The following RPS6KA5 variants were observed in gnomAD, a reference collection of about 807,000 sequenced individuals.
RPS6KA5 encodes the protein ribosomal protein S6 kinase alpha-5.
RPS6KA5 carries 27 observed loss-of-function variants against 85.5 expected under a neutral mutation model. That is an observed-to-expected ratio of 0.32 (90% CI 0.23 to 0.44). The LOEUF (loss-of-function observed/expected upper bound fraction) is 0.44, where lower values mean the gene tolerates loss of function less well. Ranked by LOEUF, RPS6KA5 falls within the 20% of genes least tolerant of loss-of-function variation. The pLI, the probability that RPS6KA5 is intolerant of heterozygous loss-of-function variation, is 1.00. For missense variants in RPS6KA5, 811 were observed against 980.9 expected (o/e 0.83, Z 2.31); for synonymous variants, 334 against 348.2 (o/e 0.96, Z 0.46).
At chr14:90,909,702 G>A (rs2035695429) in intron 7 of RPS6KA5, among the ~76,000 whole-genome samples, 1 of 152,192 alleles carries the variant, frequency 6.6e-6, no homozygotes, top group Admixed American at 6.5e-5. Context: ...TTGTTAAAGT[G>A]AGGTGCTAGC....
At chr14:90,962,642 A>G (rs979093714) in intron 3 of RPS6KA5, among the ~76,000 whole-genome samples, 2 of 151,500 alleles carry the variant, frequency 1.3e-5, no homozygotes, top group Non-Finnish European at 2.9e-5. Context: ...GCTGGAGTGC[A>G]GTATGAACCC....
chr14:90,898,528 T>G (rs1314692955), intron 12 of RPS6KA5, among the ~76,000 whole-genome samples: 1 of 152,232 alleles, frequency 6.6e-6, no homozygotes. Context: ...AGATTCGCAT[T>G]GACATGCTAT....
chr14:90,927,065 G>T (rs1025556914), intron 5 of RPS6KA5, among the ~76,000 whole-genome samples: 2 of 152,172 alleles, frequency 1.3e-5, no homozygotes, highest in African/African-American at 2.4e-5. Context: ...GCATTCTAAC[G>T]TTCTTGTAGT....
chr14:90,899,994 C>T (rs1202793887), intron 11 of RPS6KA5, 114 bp downstream of exon 11: 2 of 871,060 alleles, frequency 2.3e-6, no homozygotes, highest in Non-Finnish European at 3.2e-6. Context: ...GTGGTTAAAC[C>T]TTTGGGTAAG....
At chr14:90,915,096 G>T (rs1333705435) in intron 7 of RPS6KA5, among the ~76,000 whole-genome samples, 1 of 152,054 alleles carries the variant, frequency 6.6e-6, no homozygotes, top group Non-Finnish European at 1.5e-5. Context: ...TAATACATTT[G>T]ATTTCTTCTT....
rs576679328 is a variant in RPS6KA5 at position 90,914,568 on chromosome 14, G to A, written c.806+5638C>T. On this transcript the variant is annotated intron_variant, in intron 7 of 16. Coordinates refer to ENST00000614987, the MANE Select transcript of RPS6KA5 (RefSeq NM_004755.4). ...GACTTCAGGTGATCCACCTGCCTTG[G>A]CCTCCCCAAGTGCTAGGATTACAAG... is the stretch of plus-strand genomic sequence containing the variant. Among the ~76,000 whole-genome samples the A allele has an allele frequency of 2.0e-3, 306 of 152,166 alleles. 2 individuals carry two copies. Among genetic ancestry groups the A allele is most frequent in the African/African-American group, 7.1e-3 (295 of 41,512 alleles).
At chr14:90,910,122 AG>A (rs1330561671) in intron 7 of RPS6KA5, among the ~76,000 whole-genome samples, 1 of 152,206 alleles carries the variant, frequency 6.6e-6, no homozygotes, top group Non-Finnish European at 1.5e-5. Context: ...GCATAGCAAA[AG>A]GCCACAAATG....
intron 14 of RPS6KA5, among the ~76,000 whole-genome samples, chr14:90,881,765 T>A (rs1278190113): frequency 6.6e-6 from 1 of 152,172 alleles, no homozygotes; most frequent in Non-Finnish European, 1.5e-5. Context: ...CCTCCCAAAG[T>A]GCTGGGATTA....
chr14:91,032,715 C>A (rs1445431261), intron 1 of RPS6KA5, among the ~76,000 whole-genome samples: 1 of 150,978 alleles, frequency 6.6e-6, no homozygotes, highest in South Asian at 2.1e-4. Flanking sequence ...CAAACATGCA[C>A]GGGAAAGACA....
In RPS6KA5 at chr14:90,848,897, T is replaced by G. The variant is rs538981340; in HGVS notation, c.*23177A>C. ...ATTTTCTGCTTCCTTCTTAAAAACC[T>G]AGGGGGAAGGTGAGCTCCTGGGACA... On this transcript the variant is annotated 3_prime_UTR_variant, in exon 17 of 17. Coordinates refer to ENST00000614987, the MANE Select transcript of RPS6KA5 (RefSeq NM_004755.4). 1 of 152,236 alleles carries G rather than the reference T, an allele frequency of 6.6e-6. No individual in the cohort carries two copies. The highest frequency in any genetic ancestry group is 2.1e-4 in the South Asian group (1 of 4,828). 9.4% of individuals were successfully genotyped at this position (152,236 alleles called of 1,614,324 possible). A position where few individuals can be genotyped will look rare whatever the true frequency, so the allele number is the denominator to read the frequency against.
At position 90,860,109 on chromosome 14, in the gene RPS6KA5, A is replaced by G. The variant is rs890211592; in HGVS notation, c.*11965T>C. 6.6e-6 allele frequency: 1 copy of G among 152,262 alleles called. No individual in the cohort carries two copies. Among genetic ancestry groups the G allele is most frequent in the African/African-American group, 2.4e-5 (1 of 41,458 alleles). The allele number at this position is 152,262 out of a possible 1,614,324, so 9.4% of individuals were successfully genotyped here. ...ATGTAACCCAGAACTTAAAAGTATA[A>G]TAAAAAATAAAAACAAAGACGAAGA... On this transcript the variant is annotated 3_prime_UTR_variant, in exon 17 of 17. Transcript: ENST00000614987.
rs1303654716 is a variant in RPS6KA5, at chr14:90,875,292, C to T, written c.1905G>A (p.Val635=). ...CCTTTTTAATTTTCTTCATGATTTC[C>T]ACCGCGCTGGTACACGTCAAACTTC... ...HDRSLTCTSA[V]EIMKKIKKGD... Residue 635 remains valine, a synonymous_variant, in exon 15 of 17, where the codon GTG becomes GTA. Coordinates refer to ENST00000614987, the MANE Select transcript of RPS6KA5 (RefSeq NM_004755.4). 1.2e-6 allele frequency: 2 copies of T among 1,613,906 alleles called. No homozygotes were observed. Among genetic ancestry groups the T allele is most frequent in the Admixed American group, 3.3e-5 (2 of 60,004 alleles).
chr14:91,045,862 T>C (rs1251963725), intron 1 of RPS6KA5, among the ~76,000 whole-genome samples: 1 of 152,146 alleles, frequency 6.6e-6, no homozygotes, highest in African/African-American at 2.4e-5. Context: ...CTCAGCCCCA[T>C]TTCCTGTGAC....
rs1258018281 is a variant in RPS6KA5, at chr14:90,869,710, T to C, written c.*2364A>G. The C allele has an allele frequency of 1.3e-5, 2 of 152,244 alleles. No individual in the cohort carries two copies. The highest frequency in any genetic ancestry group is 2.4e-5 in the African/African-American group (1 of 41,456). The allele number at this position is 152,244 out of a possible 1,614,324, so 9.4% of individuals were successfully genotyped here. The stretch of plus-strand genomic sequence containing the variant: ...TTTTGATGTGACCAAATGAAAGCTT[T>C]CTGAATTTTAAAGTGCAATTCACTG... On this transcript the variant is annotated 3_prime_UTR_variant, in exon 17 of 17. Transcript: ENST00000614987.
At chr14:90,918,022 A>G (rs1259536848) in intron 7 of RPS6KA5, among the ~76,000 whole-genome samples, 1 of 152,226 alleles carries the variant, frequency 6.6e-6, no homozygotes, top group African/African-American at 2.4e-5. Context: ...TTATATAGAC[A>G]TATGTTTTCA....
intron 3 of RPS6KA5, among the ~76,000 whole-genome samples, chr14:90,968,272 A>G (rs1595363138): frequency 6.6e-6 from 1 of 151,904 alleles, no homozygotes; most frequent in African/African-American, 2.4e-5. Flanking sequence ...CTGTAGACAC[A>G]TCTCCCTCTC....
chr14:90,992,388 T>C (rs986800421), intron 2 of RPS6KA5, among the ~76,000 whole-genome samples: 1 of 152,176 alleles, frequency 6.6e-6, no homozygotes, highest in Admixed American at 6.5e-5. Flanking sequence ...GGTAAAACAT[T>C]ACAGGTAAAC....
At chr14:91,015,076 C>T (rs552204772) in intron 1 of RPS6KA5, among the ~76,000 whole-genome samples, 67 of 152,170 alleles carry the variant, frequency 4.4e-4, no homozygotes, top group African/African-American at 1.5e-3. Context: ...TTAATATACA[C>T]AAAAATGTGA....
chr14:91,048,818 T>C (rs2042963937), intron 1 of RPS6KA5, among the ~76,000 whole-genome samples: 2 of 152,162 alleles, frequency 1.3e-5, no homozygotes, highest in South Asian at 4.1e-4. Flanking sequence ...CTCTCAACAG[T>C]GTATTTAATT....
Sources: gnomAD v4.1 joint callset for allele counts (sites outside exome capture counted in the v4.1 genomes callset) on GRCh38, gnomAD v4.1.1 for gene constraint, MANE v1.5 for transcripts, NCBI Gene and HGNC (gene_info 2026-07-23, HGNC 2026-07-21) for gene names.